Variants in SUGCT observed in about 807,000 individuals in gnomAD.
SUGCT encodes succinyl-CoA:glutarate CoA-transferase.
SUGCT carries 41 observed loss-of-function variants against 55.0 expected under a neutral mutation model. That is an observed-to-expected ratio of 0.74 (90% CI 0.58 to 0.97). The LOEUF is 0.97. SUGCT is among the 50% of genes least tolerant of loss of function. The probability of loss-of-function intolerance (pLI) is 0.00; values close to 1 mark genes in which losing one functional copy is unlikely to be tolerated. For synonymous variants in SUGCT, 187 were observed against 200.4 expected (o/e 0.93, Z 0.56); for missense variants, 568 against 547.8 (o/e 1.04, Z -0.37).
intron 8 of SUGCT, among the ~76,000 whole-genome samples, chr7:40,302,700 C>A (rs1405405635): frequency 6.6e-6 from 1 of 152,126 alleles, no homozygotes; most frequent in Non-Finnish European, 1.5e-5. Flanking sequence ...AGACCAGGCC[C>A]ACTCAAGATA....
chr7:40,774,062 A>G (rs943383827), intron 13 of SUGCT, among the ~76,000 whole-genome samples: 5 of 152,160 alleles, frequency 3.3e-5, no homozygotes, highest in Admixed American at 6.5e-5. Flanking sequence ...ATCTCACAAT[A>G]CTTCCGAATT....
intron 7 of SUGCT, among the ~76,000 whole-genome samples, chr7:40,266,827 C>T (rs1050306773): frequency 3.3e-5 from 5 of 151,708 alleles, no homozygotes; most frequent in African/African-American, 4.8e-5. Flanking sequence ...TCAACTTGGC[C>T]GATATGGTGA....
chr7:40,323,482 C>G (rs1795854036), intron 9 of SUGCT, among the ~76,000 whole-genome samples: 3 of 152,104 alleles, frequency 2.0e-5, no homozygotes, highest in Admixed American at 2.0e-4. Flanking sequence ...ATTGCAGCCT[C>G]AAACTCAAGC....
In SUGCT at chr7:40,165,447, C is replaced by T. The variant is rs73687511; in HGVS notation, c.101-15500C>T. On this transcript the variant is annotated intron_variant, in intron 1 of 13. Transcript: ENST00000335693. The stretch of plus-strand genomic sequence containing the variant: ...TTGGCAAGCATAGAATTGATGGCAG[C>T]TTCATTATAATTATACTTCTTTGCA... 5.8e-3 allele frequency among the ~76,000 whole-genome samples: 879 copies of T among 152,194 alleles called. 7 individuals carry two copies. Among genetic ancestry groups the T allele is most frequent in the African/African-American group, 0.02 (818 of 41,514 alleles).
chr7:40,911,729 G>A, the SUGCT span, among the ~76,000 whole-genome samples: 3 of 152,072 alleles, frequency 2.0e-5, no homozygotes. Context: ...AACCAAAAAT[G>A]TCTCCACACA....
At chr7:40,538,489 A>G (rs1374398491) in intron 12 of SUGCT, 1 of 152,218 alleles carries the variant, frequency 6.6e-6, no homozygotes, top group Non-Finnish European at 1.5e-5. Flanking sequence ...GGTCTCAATT[A>G]GATAAGGTTA....
chr7:40,294,239 C>T (rs993160828), intron 8 of SUGCT, among the ~76,000 whole-genome samples: 1 of 151,862 alleles, frequency 6.6e-6, no homozygotes, highest in Admixed American at 6.6e-5. Context: ...CTTGAGCTAC[C>T]GCGTCTGGCC....
chr7:40,439,070 A>ATGTGTGTGTG (rs1286144832), intron 9 of SUGCT, among the ~76,000 whole-genome samples: 1 of 52,480 alleles, frequency 1.9e-5, no homozygotes, highest in Non-Finnish European at 3.6e-5. Context: ...TGGTGTATAT[A>ATGTGTGTGTG]TATATATATA....
intron 13 of SUGCT, among the ~76,000 whole-genome samples, chr7:40,835,586 G>GT (rs1792923210): frequency 6.6e-6 from 1 of 152,152 alleles, no homozygotes; most frequent in African/African-American, 2.4e-5. Flanking sequence ...AACCTGATTT[G>GT]TATGACACAG....
intron 9 of SUGCT, among the ~76,000 whole-genome samples, chr7:40,442,731 T>A (rs575409335): frequency 4.6e-5 from 7 of 152,266 alleles, no homozygotes; most frequent in African/African-American, 1.2e-4. Flanking sequence ...AGCTCATTTT[T>A]AAAAATTATA....
intron 9 of SUGCT, among the ~76,000 whole-genome samples, chr7:40,434,105 G>C (rs1440662340): frequency 1.3e-5 from 2 of 152,108 alleles, no homozygotes; most frequent in Non-Finnish European, 2.9e-5. Flanking sequence ...TGTTTTGGAG[G>C]AATGTTCCCA....
At chr7:40,194,393 T>C (rs1054593079) in intron 5 of SUGCT, among the ~76,000 whole-genome samples, 8 of 152,148 alleles carry the variant, frequency 5.3e-5, no homozygotes, top group Admixed American at 5.2e-4. Context: ...CCCGAGCAGC[T>C]GGGACCATAG....
intron 2 of SUGCT, among the ~76,000 whole-genome samples, 188 bp from the exon 3 acceptor site, chr7:40,181,765 AAG>A (rs1324772758): frequency 6.6e-6 from 1 of 151,924 alleles, no homozygotes; most frequent in Admixed American, 6.6e-5. Flanking sequence ...AAAAAAGAAA[AAG>A]AATTATAGGA....
At chr7:40,511,031 C>T (rs1320458832) in intron 12 of SUGCT, among the ~76,000 whole-genome samples, 1 of 152,014 alleles carries the variant, frequency 6.6e-6, no homozygotes, top group Non-Finnish European at 1.5e-5. Flanking sequence ...CATTCTAGAA[C>T]TACAGAATAT....
chr7:40,434,236 A>G (rs563341594), intron 9 of SUGCT, among the ~76,000 whole-genome samples: 1 of 152,190 alleles, frequency 6.6e-6, no homozygotes, highest in Non-Finnish European at 1.5e-5. Context: ...TGTGAGTCCA[A>G]TTCTTTTGAG....
intron 9 of SUGCT, among the ~76,000 whole-genome samples, chr7:40,416,176 G>T (rs1422933912): frequency 1.3e-5 from 2 of 151,346 alleles, no homozygotes; most frequent in African/African-American, 2.4e-5. Flanking sequence ...GGTTTTTTTT[G>T]TTGAACTATC....
At chr7:40,617,129 A>G (rs530049896) in intron 12 of SUGCT, among the ~76,000 whole-genome samples, 2 of 152,220 alleles carry the variant, frequency 1.3e-5, no homozygotes, top group African/African-American at 2.4e-5. Context: ...ATTTGCCTCT[A>G]TTTCCCACTA....
At chr7:40,982,833 G>C in the SUGCT span, among the ~76,000 whole-genome samples, 2 of 151,946 alleles carry the variant, frequency 1.3e-5, no homozygotes, top group African/African-American at 2.4e-5. Context: ...ATTTTTAGTA[G>C]AGACAATATT....
chr7:40,556,148 C>T (rs1795550726), intron 12 of SUGCT, among the ~76,000 whole-genome samples: 1 of 152,118 alleles, frequency 6.6e-6, no homozygotes, highest in Admixed American at 6.5e-5. Flanking sequence ...CACTTTTTGA[C>T]CTCTGTTAAG....
Sources: allele counts gnomAD v4.1 joint callset (sites outside exome capture counted in the v4.1 genomes callset), GRCh38; gene constraint gnomAD v4.1.1; transcripts MANE v1.5; gene names NCBI Gene and HGNC (gene_info 2026-07-23, HGNC 2026-07-21).